Variants in NMRK2 observed in about 807,000 individuals in gnomAD.
NMRK2 encodes nicotinamide riboside kinase 2.
In NMRK2, 34 loss-of-function variants were observed where a neutral mutation model predicts 24.7. The ratio of observed to expected loss-of-function variants is 1.37; its 90% CI spans 1.05 to 1.83. NMRK2 has a LOEUF of 1.83. Ranked by LOEUF, NMRK2 falls within the 40% of genes most tolerant of loss-of-function variation. The pLI, the probability that NMRK2 is intolerant of heterozygous loss-of-function variation, is 0.00. For missense variants in NMRK2, 341 were observed against 315.0 expected (o/e 1.08, Z -0.62); for synonymous variants, 145 against 125.6 (o/e 1.15, Z -1.03).
intron 7 of NMRK2, 72 bp downstream of exon 7, chr19:3,941,249 C>CTTT (rs34077521): frequency 5.8e-5 from 16 of 275,502 alleles, no homozygotes; most frequent in East Asian, 1.2e-4. Context: ...CCCTCTCCAT[C>CTTT]TTTTTTTTTT....
chr19:3,941,425 G>A (rs573998386), intron 7 of NMRK2, among the ~76,000 whole-genome samples: 1 of 151,198 alleles, frequency 6.6e-6, no homozygotes, highest in Non-Finnish European at 1.5e-5. Context: ...CCTAATTTGT[G>A]TATTATTAAT....
rs758125733 is a variant in NMRK2, at chr19:3,933,707, G to A, written c.26+10G>A. Reference sequence around the variant, plus strand: ...TCGTGGGCATCGGAGGGTGAGCGCCGGGGGACCTGGTGGGCGGCCCTGCGG... The same window carrying A: ...TCGTGGGCATCGGAGGGTGAGCGCCAGGGGACCTGGTGGGCGGCCCTGCGG... On this transcript the variant is annotated intron_variant, in intron 2 of 7. Transcript: ENST00000168977. 1.4e-6 allele frequency: 2 copies of A among 1,433,540 alleles called. No homozygotes were observed. Among genetic ancestry groups the A allele is most frequent in the Non-Finnish European group, 1.8e-6 (2 of 1,093,776 alleles). The allele number at this position is 1,433,540 out of a possible 1,614,324, so 88.8% of individuals were successfully genotyped here.
In NMRK2 at chr19:3,933,636, C is replaced by T. The variant is rs1408940335; in HGVS notation, c.-36C>T. Reference sequence around the variant, plus strand: ...GCGTGGTCGCACCCTACCCGGGCTGCCTTGGAAGTCGTCCCCGCCGCCCCT... The same window carrying T: ...GCGTGGTCGCACCCTACCCGGGCTGTCTTGGAAGTCGTCCCCGCCGCCCCT... On this transcript the variant is annotated 5_prime_UTR_variant, in exon 2 of 8. Coordinates refer to ENST00000168977, the MANE Select transcript of NMRK2 (RefSeq NM_170678.3). The T allele has an allele frequency of 3.3e-6, 5 of 1,519,018 alleles. No homozygotes were observed. The highest frequency in any genetic ancestry group is 4.4e-6 in the Non-Finnish European group (5 of 1,135,084). 94.1% of individuals were successfully genotyped at this position (1,519,018 alleles called of 1,614,324 possible). A position where few individuals can be genotyped will look rare whatever the true frequency, so the allele number is the denominator to read the frequency against.
chr19:3,934,873 G>C (rs551937695), intron 2 of NMRK2, among the ~76,000 whole-genome samples: 1 of 151,606 alleles, frequency 6.6e-6, no homozygotes, highest in Non-Finnish European at 1.5e-5. Context: ...GTGAGCCACC[G>C]TGCCCTGCCC....
rs567450517 is a variant in NMRK2 at position 3,937,287 on chromosome 19, C to T, written c.165C>T (p.Asp55=). 6 of 1,613,084 alleles carry T rather than the reference C, an allele frequency of 3.7e-6. No individual in the cohort carries two copies. Among genetic ancestry groups the T allele is most frequent in the Middle Eastern group, 1.7e-4 (1 of 6,058 alleles). The change falls in exon 4 of 8, where the codon GAC becomes GAT. Residue 55 remains aspartate, a splice_region_variant and synonymous_variant. Coordinates refer to ENST00000168977, the MANE Select transcript of NMRK2 (RefSeq NM_170678.3). ...AVGEDGFKQW[D]VLESLDMEAM... ...GGGAAGACGGCTTCAAACAGTGGGACGGTAAGGACAAGCATCACCTCCAAG... is the reference window on the plus strand; with the variant it reads ...GGGAAGACGGCTTCAAACAGTGGGATGGTAAGGACAAGCATCACCTCCAAG...
intron 6 of NMRK2, 64 bp from the exon 7 acceptor site, chr19:3,941,007 C>A: frequency 9.3e-7 from 1 of 1,077,286 alleles, no homozygotes; most frequent in Non-Finnish European, 1.4e-6. Flanking sequence ...GGCCCCCCAC[C>A]GGGGGTATAT....
At chr19:3,937,044 C>T (rs554750260) in intron 3 of NMRK2, among the ~76,000 whole-genome samples, 196 bp from the exon 4 acceptor site, 3 of 152,146 alleles carry the variant, frequency 2.0e-5, no homozygotes, top group Admixed American at 6.5e-5. Flanking sequence ...GAGCCCAGCT[C>T]GCTGTGTGGG....
chr19:3,940,042 G>A, intron 6 of NMRK2, 71 bp downstream of exon 6: 1 of 1,399,322 alleles, frequency 7.1e-7, no homozygotes, highest in Non-Finnish European at 1.0e-6. Context: ...GGAACCAGCG[G>A]TAACCTAGAA....
chr19:3,938,467 C>A (rs1479330523), intron 4 of NMRK2, 136 bp from the exon 5 acceptor site: 8 of 581,894 alleles, frequency 1.4e-5, no homozygotes, highest in Non-Finnish European at 2.2e-5. Context: ...CGTCCACTGT[C>A]CCCCCGGGGT....
intron 2 of NMRK2, among the ~76,000 whole-genome samples, chr19:3,934,348 G>A (rs1418092940): frequency 2.0e-5 from 3 of 152,172 alleles, no homozygotes; most frequent in Non-Finnish European, 4.4e-5. Flanking sequence ...CACGTGGGCA[G>A]GTGGGATGGG....
Position 3,936,206 on chromosome 19 carries a change from G to A in NMRK2, c.27-369G>A, listed in dbSNP as rs551435482. 6.1e-5 allele frequency among the ~76,000 whole-genome samples: 9 copies of A among 148,548 alleles called. No individual in the cohort carries two copies. In the South Asian group the frequency reaches 1.3e-3, roughly 21 times the overall value. ...AGCCTGGGCAACAGAGTGAAACTCC[G>A]TCTCGGAAAAAAAAAAAAGAAAGAA... On this transcript the variant is annotated intron_variant, in intron 2 of 7. Coordinates refer to ENST00000168977, the MANE Select transcript of NMRK2 (RefSeq NM_170678.3).
rs759419032 is a variant in NMRK2, at chr19:3,940,106, G to A, written c.395+135G>A. On this transcript the variant is annotated intron_variant, in intron 6 of 7. Transcript: ENST00000168977. ...TCTGGGCTGTAATCCCAGCACTTCCGGAGGCTGAGGCAGGTGGATCACCTG... is the reference window on the plus strand; with the variant it reads ...TCTGGGCTGTAATCCCAGCACTTCCAGAGGCTGAGGCAGGTGGATCACCTG... The A allele has an allele frequency of 4.1e-5, 30 of 734,478 alleles. No individual in the cohort carries two copies. The Middle Eastern group carries it at 7.5e-4, about 18-fold the overall frequency. The allele number at this position is 734,478 out of a possible 1,614,324, so 45.5% of individuals were successfully genotyped here. A position where few individuals can be genotyped will look rare whatever the true frequency, so the allele number is the denominator to read the frequency against.
intron 2 of NMRK2, among the ~76,000 whole-genome samples, chr19:3,935,665 G>C (rs1215794135): frequency 1.3e-5 from 2 of 151,668 alleles, no homozygotes; most frequent in East Asian, 2.0e-4. Context: ...CTGCAGCCTC[G>C]AACTCCCAGG....
intron 4 of NMRK2, among the ~76,000 whole-genome samples, chr19:3,938,199 A>G (rs867243135): frequency 5.1e-3 from 180 of 35,432 alleles, no homozygotes; most frequent in African/African-American, 0.01. Flanking sequence ...CTGTTCCCCC[A>G]GGGTCCGCCC....
At position 3,934,448 on chromosome 19, in the gene NMRK2, G is replaced by A. The variant is rs541588578; in HGVS notation, c.26+751G>A. 6.6e-5 allele frequency among the ~76,000 whole-genome samples: 10 copies of A among 152,168 alleles called. No homozygotes were observed. The East Asian group carries it at 1.9e-3, about 29-fold the overall frequency. ...AAGAGATTCAAACTCTCTGTAACCA[G>A]CACGGCTGGCTTTGTGGGGCTCACA... On this transcript the variant is annotated intron_variant, in intron 2 of 7. Coordinates refer to ENST00000168977, the MANE Select transcript of NMRK2 (RefSeq NM_170678.3).
At chr19:3,938,514 C>A in intron 4 of NMRK2, 89 bp from the exon 5 acceptor site, 1 of 1,245,718 alleles carries the variant, frequency 8.0e-7, no homozygotes. Context: ...ATCCACCGTC[C>A]CCTGGGGTCC....
intron 4 of NMRK2, among the ~76,000 whole-genome samples, chr19:3,938,321 G>A (rs1219516981): frequency 4.4e-5 from 4 of 91,790 alleles, no homozygotes; most frequent in Non-Finnish European, 6.4e-5. Flanking sequence ...CCCGCTCCCC[G>A]TCCACTGTTC....
chr19:3,941,197 C>T lies in NMRK2; in HGVS notation c.502+20C>T. 6.9e-7 allele frequency: 1 copy of T among 1,440,832 alleles called. No individual in the cohort carries two copies. Among genetic ancestry groups the T allele is most frequent in the South Asian group, 1.1e-5 (1 of 87,200 alleles). 89.3% of individuals were successfully genotyped at this position (1,440,832 alleles called of 1,614,324 possible). On this transcript the variant is annotated intron_variant, in intron 7 of 7. Coordinates refer to ENST00000168977, the MANE Select transcript of NMRK2 (RefSeq NM_170678.3). The stretch of plus-strand genomic sequence containing the variant: ...AAGTGGGTAAGCCCCTGAGCATGAC[C>T]AGGCCTTGCCCCGGGCGGGCGGGGG...
intron 6 of NMRK2, among the ~76,000 whole-genome samples, chr19:3,940,335 CAAAAAAAAA>C (rs978999079): frequency 9.7e-5 from 3 of 30,996 alleles, no homozygotes; most frequent in Admixed American, 3.4e-4. Context: ...GACTCTGTCT[CAAAAAAAAA>C]AAAAAAAAAA....
Sources: gnomAD v4.1 joint callset for allele counts (sites outside exome capture counted in the v4.1 genomes callset) on GRCh38, gnomAD v4.1.1 for gene constraint, MANE v1.5 for transcripts, NCBI Gene and HGNC (gene_info 2026-07-23, HGNC 2026-07-21) for gene names.